The following LRBA variants were observed in gnomAD, a reference collection of about 807,000 sequenced individuals.
LRBA encodes LPS responsive beige-like anchor protein.
In LRBA, 176 loss-of-function variants were observed where a neutral mutation model predicts 330.0. The observed-to-expected ratio is 0.53, with a 90% CI of 0.47 to 0.60. The LOEUF is 0.60. LRBA is among the 20% of genes least tolerant of loss of function. LRBA has a pLI of 0.00. For synonymous variants in LRBA, 1,230 were observed against 1,193.0 expected (o/e 1.03, Z -0.64); for missense variants, 3,259 against 3,444.8 (o/e 0.95, Z 1.35).
chr4:150,858,894 T>C lies in LRBA; in HGVS notation c.2767-5951A>G, dbSNP rs982836916. ...ATCATACAGCCACCATAAACACATA[T>C]ACATTTTTGTATATGCCAGTTCATA... On this transcript the variant is annotated intron_variant, in intron 22 of 56. Transcript: ENST00000651943. Among the ~76,000 whole-genome samples, 12 of 152,270 alleles carry C rather than the reference T, an allele frequency of 7.9e-5. 1 individual carries two copies. In the South Asian group the frequency reaches 2.5e-3, roughly 32 times the overall value.
chr4:151,014,311 C>A (rs1486081569), intron 2 of LRBA, 116 bp downstream of exon 2: 12 of 719,546 alleles, frequency 1.7e-5, no homozygotes. Flanking sequence ...ATTTTGTGTC[C>A]CTATACACGA....
At chr4:150,333,461 T>C (rs1055450064) in intron 48 of LRBA, among the ~76,000 whole-genome samples, 5 of 152,118 alleles carry the variant, frequency 3.3e-5, no homozygotes, top group Admixed American at 6.5e-5. Flanking sequence ...ATTACCAAAA[T>C]TAAGTTCAAG....
chr4:150,373,497 G>A (rs1030532923), intron 47 of LRBA, among the ~76,000 whole-genome samples: 2 of 151,876 alleles, frequency 1.3e-5, no homozygotes, highest in Non-Finnish European at 2.9e-5. Flanking sequence ...CCCTAATCTT[G>A]GTGAATCCCA....
In LRBA at chr4:150,583,911, G is replaced by C. The variant is rs1003204803; in HGVS notation, c.6330+4137C>G. On this transcript the variant is annotated intron_variant, in intron 40 of 56. Coordinates refer to ENST00000651943, the MANE Select transcript of LRBA (RefSeq NM_001364905.1). This position sits in a 1 kb window ranked among gnomAD's most constrained non-coding sequence, Gnocchi z 9.8. Reference sequence around the variant, plus strand: ...CACGAGAAACGGACTGGGACGAGTCGTGCCTGGGCGACCGGCTCAACGGCA... The same window carrying C: ...CACGAGAAACGGACTGGGACGAGTCCTGCCTGGGCGACCGGCTCAACGGCA... 2 of 1,612,800 alleles carry C rather than the reference G, an allele frequency of 1.2e-6. No homozygotes were observed. The highest frequency in any genetic ancestry group is 8.5e-7 in the Non-Finnish European group (1 of 1,179,326).
chr4:150,385,740 G>C (rs1742963389), intron 47 of LRBA, among the ~76,000 whole-genome samples: 1 of 151,902 alleles, frequency 6.6e-6, no homozygotes, highest in Non-Finnish European at 1.5e-5. Flanking sequence ...TGGTGTCTGT[G>C]GAAAAAAGAG....
chr4:150,306,197 C>T (rs1730332568), intron 52 of LRBA, among the ~76,000 whole-genome samples: 2 of 151,986 alleles, frequency 1.3e-5, no homozygotes, highest in South Asian at 2.1e-4. Context: ...GGTTGTGGCC[C>T]GAAAACATGA....
chr4:150,837,901 A>T (rs1389810926), intron 28 of LRBA, among the ~76,000 whole-genome samples: 2 of 152,114 alleles, frequency 1.3e-5, no homozygotes, highest in Non-Finnish European at 2.9e-5. Context: ...GGTCTTTACA[A>T]TTTGGCATGT....
chr4:150,522,903 C>T (rs1271536135), intron 40 of LRBA, among the ~76,000 whole-genome samples: 2 of 152,214 alleles, frequency 1.3e-5, no homozygotes, highest in Admixed American at 6.5e-5. Context: ...TAGGGCAATG[C>T]CTAGTAGAGC....
At chr4:150,564,178 C>G (rs1009417088) in intron 40 of LRBA, among the ~76,000 whole-genome samples, 7 of 152,100 alleles carry the variant, frequency 4.6e-5, no homozygotes, top group African/African-American at 1.4e-4. Context: ...GTACTGGTAC[C>G]AAAACAGATA....
At chr4:150,822,939 C>T (rs184324403) in intron 30 of LRBA, among the ~76,000 whole-genome samples, 8 of 152,092 alleles carry the variant, frequency 5.3e-5, no homozygotes, top group Middle Eastern at 3.4e-3. Context: ...CAGCTTAAAC[C>T]GGTAAGCACA....
chr4:150,817,404 C>T, intron 30 of LRBA, 147 bp from the exon 31 acceptor site: 1 of 688,258 alleles, frequency 1.5e-6, no homozygotes, highest in Middle Eastern at 3.7e-4. Flanking sequence ...GACTTTTCAC[C>T]CAACATGAAA....
intron 37 of LRBA, among the ~76,000 whole-genome samples, chr4:150,651,745 T>C (rs1779726865): frequency 6.6e-6 from 1 of 152,212 alleles, no homozygotes; most frequent in Admixed American, 6.5e-5. Flanking sequence ...TATTCTTCAG[T>C]AGGCAATGTA....
chr4:150,585,476 T>C lies in LRBA; in HGVS notation c.6330+2572A>G, dbSNP rs534377352. Among the ~76,000 whole-genome samples the C allele has an allele frequency of 1.8e-4, 28 of 152,378 alleles. No homozygotes were observed. The South Asian group carries it at 3.9e-3, about 21-fold the overall frequency. On this transcript the variant is annotated intron_variant, in intron 40 of 56. Transcript: ENST00000651943. The stretch of plus-strand genomic sequence containing the variant: ...TACCTTCCTCCTCTTTCTGTTTTTC[T>C]AAGGTAACAAACCAATATACTCATT...
chr4:150,452,545 C>G (rs1753481358), intron 44 of LRBA, among the ~76,000 whole-genome samples: 1 of 151,626 alleles, frequency 6.6e-6, no homozygotes, highest in East Asian at 1.9e-4. Flanking sequence ...TCGCTTGAAC[C>G]CGGGAGGCAG....
intron 37 of LRBA, among the ~76,000 whole-genome samples, chr4:150,671,020 G>GTT: frequency 6.8e-6 from 1 of 148,132 alleles, no homozygotes; most frequent in Non-Finnish European, 1.5e-5. Context: ...GTGTGTGTGT[G>GTT]TGTGTGTGTG....
chr4:150,518,738 G>A (rs1762620866), intron 40 of LRBA, among the ~76,000 whole-genome samples: 1 of 152,096 alleles, frequency 6.6e-6, no homozygotes, highest in Non-Finnish European at 1.5e-5. Context: ...AGACCTTTGT[G>A]AGTCATTAAG....
At chr4:150,703,648 C>CCATAA (rs1257057107) in intron 36 of LRBA, among the ~76,000 whole-genome samples, 6 of 152,068 alleles carry the variant, frequency 3.9e-5, no homozygotes, top group Non-Finnish European at 7.4e-5. Context: ...AATGTAACGT[C>CCATAA]CATAACAAAA....
Position 150,833,715 on chromosome 4 carries a change from C to T in LRBA, c.4570-1739G>A, listed in dbSNP as rs377349482. Among the ~76,000 whole-genome samples, 28 of 152,242 alleles carry T rather than the reference C, an allele frequency of 1.8e-4. 1 individual carries two copies. Among genetic ancestry groups the T allele is most frequent in the African/African-American group, 6.3e-4 (26 of 41,536 alleles). Reference sequence around the variant, plus strand: ...GCATCTCCACATTCATGGATGTCGACTGATGGGTGAGGGTGGTAACTGTAG... The same window carrying T: ...GCATCTCCACATTCATGGATGTCGATTGATGGGTGAGGGTGGTAACTGTAG... On this transcript the variant is annotated intron_variant, in intron 28 of 56. Coordinates refer to ENST00000651943, the MANE Select transcript of LRBA (RefSeq NM_001364905.1).
intron 36 of LRBA, chr4:150,721,073 T>G (rs1402700281): frequency 3.5e-6 from 2 of 573,902 alleles, no homozygotes; most frequent in South Asian, 2.9e-5. Flanking sequence ...ATAGGAATTA[T>G]GAGTATTTGG....
Sources: allele counts gnomAD v4.1 joint callset (sites outside exome capture counted in the v4.1 genomes callset), GRCh38; gene constraint gnomAD v4.1.1; non-coding constraint Gnocchi (gnomAD v3.1); transcripts MANE v1.5; gene names NCBI Gene and HGNC (gene_info 2026-07-23, HGNC 2026-07-21).